Variants in PDE3B observed in about 807,000 individuals in gnomAD.
The protein encoded by PDE3B is cGMP-inhibited 3',5'-cyclic phosphodiesterase 3B.
PDE3B carries 66 observed loss-of-function variants against 116.8 expected under a neutral mutation model. That is an observed-to-expected ratio of 0.56 (90% CI 0.46 to 0.69). PDE3B has a LOEUF of 0.69. Ranked by LOEUF, PDE3B falls within the 30% of genes least tolerant of loss-of-function variation. PDE3B has a pLI of 0.00. For missense variants in PDE3B, 1,384 were observed against 1,368.1 expected, an observed-to-expected ratio of 1.01 and a Z score of -0.18; for synonymous variants, 595 against 533.6, an observed-to-expected ratio of 1.12 and a Z score of -1.59.
At chr11:14,723,001 A>G (rs1454399495) in intron 1 of PDE3B, among the ~76,000 whole-genome samples, 1 of 152,198 alleles carries the variant, frequency 6.6e-6, no homozygotes, top group African/African-American at 2.4e-5. Flanking sequence ...AGTTAGGAAA[A>G]ATGTTGAAAT....
chr11:14,798,282 T>A (rs61885960), intron 4 of PDE3B, among the ~76,000 whole-genome samples: 5,197 of 152,262 alleles, frequency 0.034, 133 homozygotes, highest in Non-Finnish European at 0.049. Flanking sequence ...GGATGAAGCC[T>A]ACTTGATCGT....
chr11:14,707,782 G>T (rs1057310711), intron 1 of PDE3B, among the ~76,000 whole-genome samples: 5 of 151,938 alleles, frequency 3.3e-5, no homozygotes, highest in Non-Finnish European at 5.9e-5. Context: ...TATGATATTT[G>T]TGATGAAGAA....
the PDE3B span, among the ~76,000 whole-genome samples, chr11:14,887,880 G>A: frequency 3.9e-5 from 6 of 152,208 alleles, no homozygotes; most frequent in South Asian, 2.1e-4. Flanking sequence ...GCAGGTGACC[G>A]GTCTAAGTCA....
chr11:14,683,676 G>A (rs1219309572), intron 1 of PDE3B, among the ~76,000 whole-genome samples: 1 of 151,444 alleles, frequency 6.6e-6, no homozygotes, highest in Non-Finnish European at 1.5e-5. Context: ...TTATTGATGG[G>A]GAGCTGATCA....
intron 1 of PDE3B, among the ~76,000 whole-genome samples, chr11:14,751,902 G>A (rs1857066235): frequency 6.6e-6 from 1 of 152,162 alleles, no homozygotes. Flanking sequence ...CTAACAGGCT[G>A]AGTGGGACAT....
In PDE3B at chr11:14,792,704, C is replaced by G. The variant is rs140837959; in HGVS notation, c.1415+3462C>G. Reference sequence around the variant, plus strand: ...GTTTCCAACATCACCTTCCTCTAGTCTTCTGAAATTCTAGTCAAGCTGAAC... The same window carrying G: ...GTTTCCAACATCACCTTCCTCTAGTGTTCTGAAATTCTAGTCAAGCTGAAC... On this transcript the variant is annotated intron_variant, in intron 4 of 15. Coordinates refer to ENST00000282096, the MANE Select transcript of PDE3B (RefSeq NM_000922.4). Among the ~76,000 whole-genome samples, 231 of 152,266 alleles carry G rather than the reference C, an allele frequency of 1.5e-3. 1 individual carries two copies. The highest frequency in any genetic ancestry group is 2.9e-3 in the South Asian group (14 of 4,822).
At chr11:14,667,420 A>C (rs972196109) in intron 1 of PDE3B, among the ~76,000 whole-genome samples, 14 of 151,614 alleles carry the variant, frequency 9.2e-5, no homozygotes, top group African/African-American at 3.4e-4. Flanking sequence ...TGTACCCTAA[A>C]ACTTAAAGTA....
chr11:14,744,897 G>T (rs187665681), intron 1 of PDE3B, among the ~76,000 whole-genome samples: 1 of 152,160 alleles, frequency 6.6e-6, no homozygotes, highest in Non-Finnish European at 1.5e-5. Context: ...AGGGGATAGG[G>T]TTATAATTTA....
chr11:14,656,468 G>C (rs2133755091), intron 1 of PDE3B, among the ~76,000 whole-genome samples: 1 of 152,236 alleles, frequency 6.6e-6, no homozygotes, highest in South Asian at 2.1e-4. Context: ...ACTGTGGGTG[G>C]AGATGGATCC....
At chr11:14,896,981 T>TC in the PDE3B span, among the ~76,000 whole-genome samples, 1 of 152,132 alleles carries the variant, frequency 6.6e-6, no homozygotes, top group Non-Finnish European at 1.5e-5. Flanking sequence ...GAAACAATAA[T>TC]TATCAAATAT....
At position 14,668,437 on chromosome 11, in the gene PDE3B, C is replaced by T. The variant is rs79651330; in HGVS notation, c.978+23384C>T. On this transcript the variant is annotated intron_variant, in intron 1 of 15. Coordinates refer to ENST00000282096, the MANE Select transcript of PDE3B (RefSeq NM_000922.4). ...TTGCATTATGTTAAACCCTGGTCAA[C>T]CCTTAAAATGTTAAAGGAAAGACAT... is the stretch of plus-strand genomic sequence containing the variant. Among the ~76,000 whole-genome samples, 180 of 152,126 alleles carry T rather than the reference C, an allele frequency of 1.2e-3. 2 individuals carry two copies. In the East Asian group the frequency reaches 0.013, roughly 11 times the overall value.
intron 1 of PDE3B, among the ~76,000 whole-genome samples, chr11:14,690,579 A>T: frequency 6.9e-6 from 1 of 144,882 alleles, no homozygotes; most frequent in African/African-American, 2.5e-5. Flanking sequence ...GTAAGTATTC[A>T]CCTTTGTATC....
intron 1 of PDE3B, among the ~76,000 whole-genome samples, chr11:14,665,729 C>A (rs957757313): frequency 6.6e-6 from 1 of 152,116 alleles, no homozygotes; most frequent in Non-Finnish European, 1.5e-5. Flanking sequence ...TTACAAAGGA[C>A]ATGAAGGATC....
At chr11:14,804,633 T>C (rs1220118423) in intron 5 of PDE3B, among the ~76,000 whole-genome samples, 1 of 152,118 alleles carries the variant, frequency 6.6e-6, no homozygotes, top group Admixed American at 6.5e-5. Context: ...AAAATTCTTT[T>C]ATACACAATA....
chr11:14,865,316 TTTG>T (rs1848024251), intron 14 of PDE3B, among the ~76,000 whole-genome samples: 1 of 152,184 alleles, frequency 6.6e-6, no homozygotes, highest in African/African-American at 2.4e-5. Context: ...TGCCTAACAT[TTTG>T]TTATCTCCAA....
chr11:14,833,096 T>G (rs560082620), intron 10 of PDE3B, among the ~76,000 whole-genome samples: 1 of 151,928 alleles, frequency 6.6e-6, no homozygotes, highest in Non-Finnish European at 1.5e-5. Context: ...GGATTACAGG[T>G]GCCCGCCACC....
intron 1 of PDE3B, among the ~76,000 whole-genome samples, chr11:14,692,041 G>A (rs1855053342): frequency 6.6e-6 from 1 of 152,138 alleles, no homozygotes; most frequent in South Asian, 2.1e-4. Flanking sequence ...GCTGAGGTGG[G>A]AGAATTGCTT....
chr11:14,890,829 T>G, the PDE3B span: 5 of 981,554 alleles, frequency 5.1e-6, no homozygotes, highest in Non-Finnish European at 6.0e-6. Flanking sequence ...ATTATAGGCG[T>G]GAGCCACCGC....
At position 14,786,354 on chromosome 11, in the gene PDE3B, A is replaced by T. The variant is rs1026975365; in HGVS notation, c.1030-83A>T. On this transcript the variant is annotated intron_variant, in intron 2 of 15. Transcript: ENST00000282096. ...TATTTGCTACATATATATATATATA[A>T]ATTTTAAGTTAGAATTATACCATTT... 2.3e-5 allele frequency: 23 copies of T among 978,936 alleles called. No individual in the cohort carries two copies. The African/African-American group carries it at 3.5e-4, about 15-fold the overall frequency. 60.6% of individuals were successfully genotyped at this position (978,936 alleles called of 1,614,324 possible).
Sources: allele counts gnomAD v4.1 joint callset (sites outside exome capture counted in the v4.1 genomes callset), GRCh38; gene constraint gnomAD v4.1.1; transcripts MANE v1.5; gene names NCBI Gene and HGNC (gene_info 2026-07-23, HGNC 2026-07-21).